Variants in ADRA1B observed in about 807,000 individuals in gnomAD.
ADRA1B encodes adrenoceptor alpha 1B, also known as alpha-1B adrenergic receptor.
In ADRA1B, 17 loss-of-function variants were observed where a neutral mutation model predicts 17.9. The observed-to-expected ratio is 0.95, with a 90% CI of 0.65 to 1.42. The LOEUF (loss-of-function observed/expected upper bound fraction) is 1.42. ADRA1B is among the 40% of genes most tolerant of loss of function. The pLI, the probability that ADRA1B is intolerant of heterozygous loss-of-function variation, is 0.00. For missense variants in ADRA1B, 681 were observed against 722.1 expected, an observed-to-expected ratio of 0.94 and a Z score of 0.65; for synonymous variants, 366 against 327.6, an observed-to-expected ratio of 1.12 and a Z score of -1.27.
chr5:159,917,729 C>G lies in ADRA1B; in HGVS notation c.824C>G (p.Pro275Arg). Residue 275 changes from proline (P) to arginine (R), a missense_variant, in exon 1 of 2, where the codon CCC (proline) becomes CGC (arginine). Around this residue, in one of 3 missense-constraint regions of ADRA1B, gnomAD observed 424 missense variants for 480.2 expected, o/e 0.88. Transcript: ENST00000306675. ...LSSTKAKGHN[P>R]RSSIAVKLFK... ...AGTACCAAGGCCAAGGGCCACAACC[C>G]CAGGAGTTCCATAGCTGTCAAACTT... The G allele has an allele frequency of 6.2e-7, 1 of 1,614,106 alleles. No homozygotes were observed. The highest frequency in any genetic ancestry group is 1.3e-5 in the African/African-American group (1 of 75,020).
At chr5:159,866,261 A>G (rs1225995776) in intron 1 of ADRA1B, among the ~76,000 whole-genome samples, 1 of 150,126 alleles carries the variant, frequency 6.7e-6, no homozygotes, top group African/African-American at 2.5e-5. Context: ...AGCAATGATC[A>G]TGCCACTGCA....
intron 1 of ADRA1B, among the ~76,000 whole-genome samples, chr5:159,961,996 A>G (rs543955272): frequency 6.6e-6 from 1 of 152,314 alleles, no homozygotes; most frequent in African/African-American, 2.4e-5. Flanking sequence ...TTAGGAGTTC[A>G]AGACCAGTCT....
At chr5:159,981,312 C>G in the ADRA1B span, among the ~76,000 whole-genome samples, 1 of 152,074 alleles carries the variant, frequency 6.6e-6, no homozygotes, top group Non-Finnish European at 1.5e-5. Flanking sequence ...CTAGCAGCAT[C>G]TCCCACCATC....
chr5:159,981,424 T>C, the ADRA1B span, among the ~76,000 whole-genome samples: 1 of 152,108 alleles, frequency 6.6e-6, no homozygotes, highest in Non-Finnish European at 1.5e-5. Flanking sequence ...AAACAAAAGT[T>C]TCATGAAGGT....
intron 1 of ADRA1B, among the ~76,000 whole-genome samples, chr5:159,944,800 C>T (rs1409342378): frequency 6.6e-6 from 1 of 152,138 alleles, no homozygotes; most frequent in East Asian, 1.9e-4. Flanking sequence ...AAAGATCACA[C>T]AGCCAGATAT....
intron 1 of ADRA1B, among the ~76,000 whole-genome samples, chr5:159,875,099 T>C (rs909619307): frequency 1.2e-4 from 19 of 152,084 alleles, no homozygotes; most frequent in Non-Finnish European, 7.4e-5. Flanking sequence ...CCACCCCGAT[T>C]CTTAGAGCCT....
At chr5:159,955,540 T>C (rs900905755) in intron 1 of ADRA1B, among the ~76,000 whole-genome samples, 4 of 152,190 alleles carry the variant, frequency 2.6e-5, no homozygotes, top group South Asian at 2.1e-4. Context: ...AGGCTGGAAA[T>C]TGTCCCTGTT....
At chr5:159,915,333 A>G (rs1386571380), upstream of ADRA1B, among the ~76,000 whole-genome samples, 2 of 152,228 alleles carry the variant, frequency 1.3e-5, no homozygotes, top group African/African-American at 4.8e-5. Context: ...AATGGTGAAG[A>G]GTGTATTCTT....
At position 159,916,962 on chromosome 5, in the gene ADRA1B, G is replaced by A. The variant is rs759056967; in HGVS notation, c.57G>A (p.Glu19=). 3.1e-6 allele frequency: 5 copies of A among 1,614,150 alleles called. No homozygotes were observed. The highest frequency in any genetic ancestry group is 1.7e-4 in the Middle Eastern group (1 of 6,060). ...HNTSAPAHWG[E]LKNANFTGPN... ...CATCAGCACCTGCCCACTGGGGAGA[G>A]TTGAAAAATGCCAACTTCACTGGCC... Residue 19 remains glutamate (E), a synonymous_variant, in exon 1 of 2, where the codon GAG becomes GAA. Coordinates refer to ENST00000306675, the MANE Select transcript of ADRA1B (RefSeq NM_000679.4).
At chr5:159,967,827 A>G (rs149576544) in intron 1 of ADRA1B, among the ~76,000 whole-genome samples, 3 of 152,336 alleles carry the variant, frequency 2.0e-5, no homozygotes, top group Non-Finnish European at 2.9e-5. Context: ...TTGGCTGAAC[A>G]CTTCTCAAGG....
chr5:159,955,072 T>G, intron 1 of ADRA1B: 1 of 880,208 alleles, frequency 1.1e-6, no homozygotes, highest in Non-Finnish European at 1.4e-6. Flanking sequence ...AGACTAATCA[T>G]TTCATTATAC....
intron 1 of ADRA1B, among the ~76,000 whole-genome samples, chr5:159,939,408 C>G (rs180786185): frequency 6.6e-6 from 1 of 151,652 alleles, no homozygotes; most frequent in East Asian, 2.0e-4. Context: ...TTGCAAAGAT[C>G]TTCCTAGAGC....
intron 1 of ADRA1B, among the ~76,000 whole-genome samples, chr5:159,962,935 C>CTTTTTT (rs1206944978): frequency 4.8e-5 from 2 of 41,786 alleles, no homozygotes; most frequent in Non-Finnish European, 1.0e-4. Context: ...CTTTTCTTTT[C>CTTTTTT]TTTTTTTTTT....
intron 1 of ADRA1B, among the ~76,000 whole-genome samples, chr5:159,903,719 C>T (rs915165200): frequency 6.6e-6 from 1 of 152,178 alleles, no homozygotes; most frequent in African/African-American, 2.4e-5. Context: ...GCATAGCAAC[C>T]AGAACACCTC....
At chr5:159,912,232 C>A (rs1034236335), upstream of ADRA1B, among the ~76,000 whole-genome samples, 1 of 152,176 alleles carries the variant, frequency 6.6e-6, no homozygotes, top group Admixed American at 6.5e-5. Flanking sequence ...GGAAACTGGG[C>A]CCAGAGTGGT....
At chr5:159,885,197 G>T (rs1202765091) in intron 1 of ADRA1B, among the ~76,000 whole-genome samples, 1 of 152,152 alleles carries the variant, frequency 6.6e-6, no homozygotes, top group African/African-American at 2.4e-5. Context: ...AAAGTGATGA[G>T]AATAACAGTA....
At chr5:159,965,779 C>T (rs1347758532) in intron 1 of ADRA1B, among the ~76,000 whole-genome samples, 1 of 152,102 alleles carries the variant, frequency 6.6e-6, no homozygotes, top group African/African-American at 2.4e-5. Flanking sequence ...GCAGGCACGC[C>T]CCAGCAGGGA....
chr5:159,977,338 C>A (rs1478713358), downstream of ADRA1B, among the ~76,000 whole-genome samples: 1 of 152,170 alleles, frequency 6.6e-6, no homozygotes, highest in Admixed American at 6.5e-5. Flanking sequence ...AAGACCCAGG[C>A]TCAGGGAACT....
chr5:159,879,523 T>A (rs1364069758), intron 1 of ADRA1B, among the ~76,000 whole-genome samples: 2 of 152,204 alleles, frequency 1.3e-5, no homozygotes, highest in East Asian at 3.8e-4. Flanking sequence ...GCTGCCTCTG[T>A]GACTCATTCC....
Sources: allele counts gnomAD v4.1 joint callset (sites outside exome capture counted in the v4.1 genomes callset), GRCh38; gene constraint gnomAD v4.1.1; regional missense constraint gnomAD v4.1.1; transcripts MANE v1.5; gene names NCBI Gene and HGNC (gene_info 2026-07-23, HGNC 2026-07-21).